The following SHANK2 variants were observed in gnomAD, a reference collection of about 807,000 sequenced individuals.
SHANK2 encodes the protein SH3 and multiple ankyrin repeat domains protein 2.
SHANK2 carries 43 observed loss-of-function variants against 133.7 expected under a neutral mutation model. That is an observed-to-expected ratio of 0.32 (90% confidence interval 0.25 to 0.41). The LOEUF (loss-of-function observed/expected upper bound fraction) is 0.41, where lower values mean the gene tolerates loss of function less well. SHANK2 is among the 10% of genes least tolerant of loss of function. The pLI is 1.00. For synonymous variants in SHANK2, 1,017 were observed against 952.8 expected, an observed-to-expected ratio of 1.07 and a Z score of -1.24; for missense variants, 1,994 against 2,235.8, an observed-to-expected ratio of 0.89 and a Z score of 2.18.
intron 5 of SHANK2, among the ~76,000 whole-genome samples, chr11:71,111,848 A>C (rs1951896240): frequency 6.6e-6 from 1 of 152,246 alleles, no homozygotes; most frequent in Non-Finnish European, 1.5e-5. Flanking sequence ...GTGATAAAAA[A>C]CAAAAGCCAA....
chr11:70,916,404 A>G (rs554995768), intron 10 of SHANK2, among the ~76,000 whole-genome samples: 21 of 152,122 alleles, frequency 1.4e-4, no homozygotes, highest in African/African-American at 4.8e-4. Flanking sequence ...CACACAGTGG[A>G]CAGAGGTACA....
intron 9 of SHANK2, among the ~76,000 whole-genome samples, chr11:71,061,823 CCCTGGCTTTTCCAGTCCCGA>C (rs1202953359): frequency 6.6e-6 from 1 of 152,106 alleles, no homozygotes; most frequent in Admixed American, 6.5e-5. Flanking sequence ...CTGGGCAGGT[CCCTGGCTTTTCCAGTCCCGA>C]CCTAGCCCTT....
At chr11:71,203,556 C>T (rs1443295141) in intron 2 of SHANK2, among the ~76,000 whole-genome samples, 2 of 152,040 alleles carry the variant, frequency 1.3e-5, no homozygotes, top group East Asian at 1.9e-4. Context: ...GCCAAGATGG[C>T]ACCACTGCAC....
intron 17 of SHANK2, among the ~76,000 whole-genome samples, chr11:70,509,291 G>C (rs2059170899): frequency 6.6e-6 from 1 of 152,252 alleles, no homozygotes; most frequent in African/African-American, 2.4e-5. Context: ...CCATGCAGTG[G>C]CACAGGTCTC....
At chr11:70,769,598 T>C (rs901674559) in intron 14 of SHANK2, among the ~76,000 whole-genome samples, 1 of 152,136 alleles carries the variant, frequency 6.6e-6, no homozygotes, top group Non-Finnish European at 1.5e-5. Flanking sequence ...CGAGAGCACA[T>C]GAAATGGCAT....
intron 2 of SHANK2, among the ~76,000 whole-genome samples, chr11:71,149,198 T>C (rs1159600528): frequency 1.3e-5 from 2 of 152,204 alleles, no homozygotes; most frequent in African/African-American, 4.8e-5. Context: ...CTGAAGACGA[T>C]GGAGGAAAAG....
At chr11:71,143,923 C>T (rs1406351443) in intron 3 of SHANK2, among the ~76,000 whole-genome samples, 3 of 151,842 alleles carry the variant, frequency 2.0e-5, no homozygotes, top group Non-Finnish European at 2.9e-5. Flanking sequence ...CCACCGATAA[C>T]GAGCATCGAC....
intron 9 of SHANK2, among the ~76,000 whole-genome samples, chr11:71,058,152 C>T (rs1421302520): frequency 2.0e-5 from 3 of 152,168 alleles, no homozygotes; most frequent in Non-Finnish European, 4.4e-5. Context: ...GCCTCAGCCT[C>T]CCGAAGTGCT....
At chr11:70,939,273 G>C (rs797033539) in intron 10 of SHANK2, among the ~76,000 whole-genome samples, 56 of 152,238 alleles carry the variant, frequency 3.7e-4, no homozygotes, top group African/African-American at 1.3e-3. Context: ...TCAGGAGTTT[G>C]AGACCAGCCT....
chr11:70,767,612 CA>C (rs1947149664), intron 14 of SHANK2, among the ~76,000 whole-genome samples: 2 of 151,894 alleles, frequency 1.3e-5, no homozygotes, highest in Non-Finnish European at 2.9e-5. Flanking sequence ...TCACAAAGGC[CA>C]TGCTGGAGGA....
At chr11:71,093,056 G>GT (rs1301092280) in intron 7 of SHANK2, among the ~76,000 whole-genome samples, 9 of 145,672 alleles carry the variant, frequency 6.2e-5, no homozygotes, top group South Asian at 2.4e-4. Context: ...AATAAAGGGG[G>GT]GGGGGGGCAG....
At chr11:70,796,913 T>C (rs1461539938) in intron 14 of SHANK2, among the ~76,000 whole-genome samples, 1 of 152,140 alleles carries the variant, frequency 6.6e-6, no homozygotes, top group African/African-American at 2.4e-5. Flanking sequence ...CCAGGATAGT[T>C]GACAATCACC....
chr11:70,861,950 C>T (rs1949265389), intron 11 of SHANK2, among the ~76,000 whole-genome samples: 1 of 151,372 alleles, frequency 6.6e-6, no homozygotes, highest in Non-Finnish European at 1.5e-5. Context: ...AATAGTGGGA[C>T]ACAGGTGCAG....
chr11:71,132,535 C>A (rs114359821), intron 3 of SHANK2, among the ~76,000 whole-genome samples: 3 of 152,166 alleles, frequency 2.0e-5, no homozygotes, highest in Non-Finnish European at 4.4e-5. Context: ...TCTAAGCCAA[C>A]GATGAAGAGC....
At chr11:70,825,962 C>G (rs6421719) in intron 11 of SHANK2, among the ~76,000 whole-genome samples, 148,695 of 152,284 alleles carry the variant, frequency 0.98, 72,684 homozygotes, top group East Asian at 1. Flanking sequence ...GTATGACAAA[C>G]AGAGTGTGCA....
intron 17 of SHANK2, among the ~76,000 whole-genome samples, chr11:70,527,087 C>T (rs969519299): frequency 1.3e-5 from 2 of 152,236 alleles, no homozygotes; most frequent in African/African-American, 4.8e-5. Context: ...CAGGCCTCCT[C>T]CACATCGTGC....
At chr11:70,702,677 C>T (rs1945563355) in intron 14 of SHANK2, among the ~76,000 whole-genome samples, 1 of 152,236 alleles carries the variant, frequency 6.6e-6, no homozygotes, top group Admixed American at 6.5e-5. Context: ...GTGTGGAATG[C>T]TCTGCTAAAT....
At chr11:70,725,787 T>C (rs1591790091) in intron 14 of SHANK2, among the ~76,000 whole-genome samples, 3 of 152,310 alleles carry the variant, frequency 2.0e-5, no homozygotes. Flanking sequence ...GGTAGACCTC[T>C]GAAGACAACT....
chr11:71,169,612 G>A (rs61582992), intron 2 of SHANK2, among the ~76,000 whole-genome samples: 37,924 of 151,980 alleles, frequency 0.25, 5,185 homozygotes, highest in African/African-American at 0.34. Flanking sequence ...TTAGCCAGGT[G>A]TTGGGGGAGG....
Sources: allele counts gnomAD v4.1 joint callset (sites outside exome capture counted in the v4.1 genomes callset), GRCh38; gene constraint gnomAD v4.1.1; transcripts MANE v1.5; gene names NCBI Gene and HGNC (gene_info 2026-07-23, HGNC 2026-07-21).